Variants in WNK1 observed in about 807,000 individuals in gnomAD.
The protein encoded by WNK1 is serine/threonine-protein kinase WNK1.
WNK1 carries 38 observed loss-of-function variants against 222.8 expected under a neutral mutation model. The ratio of observed to expected loss-of-function variants is 0.17; its 90% confidence interval spans 0.13 to 0.22. The LOEUF (loss-of-function observed/expected upper bound fraction) is 0.22. Among genes scored for constraint, WNK1 ranks in the 10% least tolerant of loss-of-function variants. The pLI is 1.00. For synonymous variants in WNK1, 1,090 were observed against 1,092.9 expected, an observed-to-expected ratio of 1.00 and a Z score of 0.05; for missense variants, 2,348 against 2,918.4, an observed-to-expected ratio of 0.80 and a Z score of 4.50.
chr12:817,973 A>T (rs912103849), intron 2 of WNK1, among the ~76,000 whole-genome samples: 1 of 152,192 alleles, frequency 6.6e-6, no homozygotes, highest in Non-Finnish European at 1.5e-5. Context: ...AAGAAAAAAA[A>T]TTTGGATTAA....
chr12:841,927 G>C (rs921471521), intron 4 of WNK1, among the ~76,000 whole-genome samples: 3 of 152,106 alleles, frequency 2.0e-5, no homozygotes, highest in African/African-American at 4.8e-5. Context: ...CTCATTGGAC[G>C]TTAGATTTCA....
intron 26 of WNK1, among the ~76,000 whole-genome samples, chr12:906,996 G>A (rs1213326750): frequency 9.4e-6 from 1 of 106,934 alleles, no homozygotes; most frequent in Non-Finnish European, 1.8e-5. Flanking sequence ...TCCAGCCTGG[G>A]TGACAGAAAA....
intron 4 of WNK1, among the ~76,000 whole-genome samples, chr12:835,594 C>G (rs1425121474): frequency 6.6e-6 from 1 of 151,654 alleles, no homozygotes; most frequent in Admixed American, 6.6e-5. Flanking sequence ...TATACCAAGT[C>G]AAAAAGTTGT....
At chr12:869,129 T>C (rs766669470) in intron 8 of WNK1, 2 of 1,613,198 alleles carry the variant, frequency 1.2e-6, no homozygotes, top group East Asian at 2.2e-5. Context: ...TCCACAATTA[T>C]TTTAAACTAC....
At chr12:758,425 G>C (rs6489747) in intron 1 of WNK1, among the ~76,000 whole-genome samples, 62,031 of 112,656 alleles carry the variant, frequency 0.55, 19,349 homozygotes, top group East Asian at 0.87. Context: ...CTGTCGCCCA[G>C]GCCGGACTGC....
chr12:881,588 A>G (rs1420052262), intron 12 of WNK1, 104 bp from the exon 13 acceptor site: 13 of 877,418 alleles, frequency 1.5e-5, no homozygotes, highest in East Asian at 9.8e-5. Flanking sequence ...TAGTGCTTCT[A>G]GGACGTAGTG....
intron 1 of WNK1, among the ~76,000 whole-genome samples, chr12:788,273 A>G (rs1046569934): frequency 3.3e-5 from 5 of 152,180 alleles, no homozygotes; most frequent in African/African-American, 1.2e-4. Flanking sequence ...ATCACAGATG[A>G]GTATATTATT....
intron 4 of WNK1, among the ~76,000 whole-genome samples, chr12:837,508 AG>A: frequency 6.8e-6 from 1 of 148,070 alleles, no homozygotes; most frequent in African/African-American, 2.5e-5. Context: ...CGGGAGGCAG[AG>A]GTTGCAGTGA....
At chr12:796,918 T>C (rs1429949606) in intron 1 of WNK1, among the ~76,000 whole-genome samples, 1 of 152,174 alleles carries the variant, frequency 6.6e-6, no homozygotes, top group African/African-American at 2.4e-5. Flanking sequence ...TTTTAAAATT[T>C]TCGGTGGTGC....
At position 897,692 on chromosome 12, in the gene WNK1, C is replaced by G. The variant is rs1378639671; in HGVS notation, c.6448+11C>G. On this transcript the variant is annotated intron_variant, in intron 25 of 27. Transcript: ENST00000315939. ...GCCCCCAGCTTTCAGGTAAAAAGCCCTGGACTAGGTCAGCCACAGCTGTCC... is the reference window on the plus strand; with the variant it reads ...GCCCCCAGCTTTCAGGTAAAAAGCCGTGGACTAGGTCAGCCACAGCTGTCC... 1 of 1,613,746 alleles carries G rather than the reference C, an allele frequency of 6.2e-7. No individual in the cohort carries two copies. Among genetic ancestry groups the G allele is most frequent in the Non-Finnish European group, 8.5e-7 (1 of 1,179,792 alleles).
intron 4 of WNK1, among the ~76,000 whole-genome samples, chr12:835,307 G>A (rs770607854): frequency 5.3e-5 from 8 of 152,000 alleles, no homozygotes; most frequent in East Asian, 1.9e-4. Flanking sequence ...CATTGCACTC[G>A]AGCCTGGACA....
At chr12:800,787 A>G (rs1945791164) in intron 1 of WNK1, among the ~76,000 whole-genome samples, 1 of 152,210 alleles carries the variant, frequency 6.6e-6, no homozygotes, top group Non-Finnish European at 1.5e-5. Context: ...CTGGGATGTT[A>G]ATTTGCACTC....
Position 880,964 on chromosome 12 carries a change from G to GC in WNK1, c.3081dup (p.Thr1028HisfsTer54), listed in dbSNP as rs777614553. 6.2e-7 allele frequency: 1 copy of GC among 1,614,146 alleles called. No homozygotes were observed. Among genetic ancestry groups the GC allele is most frequent in the Non-Finnish European group, 8.5e-7 (1 of 1,180,010 alleles). On this transcript the variant is annotated frameshift_variant, in exon 12 of 28. Coordinates refer to ENST00000315939, the MANE Select transcript of WNK1 (RefSeq NM_018979.4). LOFTEE classifies it high-confidence loss of function. ...CCAGCCAGGAGGGAGTTTAGCACAA[G>GC]CCCCCACTACATCCTCCCAGCAAGC...
chr12:888,546 A>T (rs1953893344), intron 20 of WNK1, among the ~76,000 whole-genome samples: 1 of 152,192 alleles, frequency 6.6e-6, no homozygotes, highest in South Asian at 2.1e-4. Context: ...CAGATGTAGG[A>T]TTAGACTGTG....
At chr12:872,514 C>T (rs1952243156) in intron 9 of WNK1, among the ~76,000 whole-genome samples, 2 of 152,156 alleles carry the variant, frequency 1.3e-5, no homozygotes, top group Non-Finnish European at 2.9e-5. Context: ...CATCCTGATA[C>T]ATCCAACAGT....
chr12:825,489 C>G (rs76134291), intron 2 of WNK1, among the ~76,000 whole-genome samples: 2,663 of 152,204 alleles, frequency 0.017, 40 homozygotes, highest in Non-Finnish European at 0.028. Flanking sequence ...ACCCCTCTAC[C>G]GCTTGTTCTG....
rs1953481302 is a variant in WNK1, at chr12:884,514, G to A, written c.3845-135G>A. ...GTTTATTTCTGCACTTAGTACTGTT[G>A]TCTATGTTTTAAGATTACTCCATAT... On this transcript the variant is annotated intron_variant, in intron 18 of 27. Coordinates refer to ENST00000315939, the MANE Select transcript of WNK1 (RefSeq NM_018979.4). The surrounding 1 kb of genome is among the most constrained non-coding windows in gnomAD (Gnocchi z 5.6). 1 of 994,108 alleles carries A rather than the reference G, an allele frequency of 1.0e-6. No homozygotes were observed. The highest frequency in any genetic ancestry group is 2.7e-4 in the Middle Eastern group (1 of 3,746). 61.6% of individuals were successfully genotyped at this position (994,108 alleles called of 1,614,324 possible).
intron 4 of WNK1, among the ~76,000 whole-genome samples, chr12:830,933 C>T (rs1265648162): frequency 6.6e-6 from 1 of 152,158 alleles, no homozygotes; most frequent in Non-Finnish European, 1.5e-5. Context: ...TGTTGTAGTT[C>T]TTAATCTAGA....
chr12:851,730 T>A (rs781226817), intron 4 of WNK1: 1 of 1,346,022 alleles, frequency 7.4e-7, no homozygotes, highest in Non-Finnish European at 9.8e-7. Flanking sequence ...TCAGTATTTG[T>A]CATCATAAAT....
Sources: allele counts gnomAD v4.1 joint callset (sites outside exome capture counted in the v4.1 genomes callset), GRCh38; gene constraint gnomAD v4.1.1; non-coding constraint Gnocchi (gnomAD v3.1); transcripts MANE v1.5; gene names NCBI Gene and HGNC (gene_info 2026-07-23, HGNC 2026-07-21).